Variants in INSL6 observed in about 807,000 individuals in gnomAD.
INSL6 encodes insulin like 6, also known as insulin-like peptide INSL6.
In INSL6, 16 loss-of-function variants were observed where a neutral mutation model predicts 9.4. The ratio of observed to expected loss-of-function variants is 1.70; its 90% CI spans 1.15 to 2.59. INSL6 has a LOEUF of 2.59. Among genes scored for constraint, INSL6 ranks in the 30% most tolerant of loss-of-function variants. The pLI is 0.00. For synonymous variants in INSL6, 154 were observed against 96.9 expected, an observed-to-expected ratio of 1.59 and a Z score of -3.46; for missense variants, 391 against 257.3, an observed-to-expected ratio of 1.52 and a Z score of -3.56.
chr9:5,122,233 A>G (rs936491375), downstream of INSL6, among the ~76,000 whole-genome samples: 2 of 152,094 alleles, frequency 1.3e-5, no homozygotes, highest in Non-Finnish European at 1.5e-5. Flanking sequence ...ATAAAGATAA[A>G]CTTAGCAATG....
chr9:5,128,843 A>C lies in INSL6; in HGVS notation c.*11-4332T>G, dbSNP rs1824169780. Among the ~76,000 whole-genome samples, 4 of 152,048 alleles carry C rather than the reference A, an allele frequency of 2.6e-5. No homozygotes were observed. The South Asian group carries it at 8.3e-4, about 31-fold the overall frequency. ...AGGTAAGTAATTATTGTACCAGTTA[A>C]TGCCAAAATATTTTTCACGTTAATA... On this transcript the variant is annotated intron_variant, in intron 3 of 3. Coordinates refer to the INSL6 transcript ENST00000649639.
chr9:5,169,931 C>T (rs574686983), intron 1 of INSL6, among the ~76,000 whole-genome samples: 20 of 152,306 alleles, frequency 1.3e-4, no homozygotes, highest in African/African-American at 4.1e-4. Context: ...GACTTTAACA[C>T]TCCACTGTCA....
chr9:5,041,014 C>G, the INSL6 span: 1 of 663,174 alleles, frequency 1.5e-6, no homozygotes, highest in Non-Finnish European at 2.8e-6. Context: ...GACCCCGCAG[C>G]TGCACCTGGG....
chr9:5,058,136 T>C, the INSL6 span, among the ~76,000 whole-genome samples: 12 of 152,344 alleles, frequency 7.9e-5, no homozygotes, highest in Non-Finnish European at 1.5e-4. Flanking sequence ...TTGTGAGTAA[T>C]GCTGCTGTGA....
rs79371649 is a variant in INSL6, at chr9:5,124,146, C to T, written c.*376G>A. On this transcript the variant is annotated 3_prime_UTR_variant, in exon 4 of 4. Coordinates refer to the INSL6 transcript ENST00000649639. Reference sequence around the variant, plus strand: ...ATACAAAGTTTGCAAATATTTTCTCCGATTATGCAGGTTTTCTGTTCATTC... The same window carrying T: ...ATACAAAGTTTGCAAATATTTTCTCTGATTATGCAGGTTTTCTGTTCATTC... Among the ~76,000 whole-genome samples the T allele has an allele frequency of 1.6e-4, 25 of 151,816 alleles. No individual in the cohort carries two copies. In the East Asian group the frequency reaches 4.8e-3, roughly 29 times the overall value.
chr9:5,167,589 G>C (rs924774588), intron 1 of INSL6, among the ~76,000 whole-genome samples: 2 of 152,194 alleles, frequency 1.3e-5, no homozygotes, highest in African/African-American at 4.8e-5. Context: ...ATCCCCAGTG[G>C]AGGGTTTATG....
chr9:5,144,866 A>G (rs1439826995), intron 2 of INSL6, among the ~76,000 whole-genome samples: 1 of 152,116 alleles, frequency 6.6e-6, no homozygotes, highest in Non-Finnish European at 1.5e-5. Flanking sequence ...GTGTCTTTGC[A>G]TGTGAGATGG....
At position 5,173,752 on chromosome 9, in the gene INSL6, T is replaced by C. The variant is rs931231845; in HGVS notation, c.290-9487A>G. On this transcript the variant is annotated intron_variant, in intron 1 of 1. Coordinates refer to ENST00000381641, the MANE Select transcript of INSL6 (RefSeq NM_007179.3). ...AATGAACTTGCACATCTCGCTCATGTACTGCTGAATTTAAAAATAAAATTA... is the reference window on the plus strand; with the variant it reads ...AATGAACTTGCACATCTCGCTCATGCACTGCTGAATTTAAAAATAAAATTA... 2.0e-5 allele frequency among the ~76,000 whole-genome samples: 3 copies of C among 151,204 alleles called. No homozygotes were observed. The Admixed American group carries it at 2.0e-4, about 10-fold the overall frequency.
At chr9:5,007,609 A>G in the INSL6 span, among the ~76,000 whole-genome samples, 1 of 146,352 alleles carries the variant, frequency 6.8e-6, no homozygotes, top group Non-Finnish European at 1.5e-5. Context: ...AACTTAATAT[A>G]CTTTTATTAG....
intron 1 of INSL6, among the ~76,000 whole-genome samples, chr9:5,181,747 C>T (rs1041590329): frequency 1.3e-5 from 2 of 152,106 alleles, no homozygotes; most frequent in African/African-American, 4.8e-5. Context: ...TATAAACCAA[C>T]TGGAAAATGA....
chr9:5,062,500 TAAAAAAAAAA>T, the INSL6 span, among the ~76,000 whole-genome samples: 5 of 58,248 alleles, frequency 8.6e-5, no homozygotes, highest in African/African-American at 2.1e-4. Context: ...CTTCCATTTG[TAAAAAAAAAA>T]AAAAAAAAAA....
intron 1 of INSL6, among the ~76,000 whole-genome samples, chr9:5,179,424 G>A (rs1353722523): frequency 6.6e-6 from 1 of 152,176 alleles, no homozygotes; most frequent in Non-Finnish European, 1.5e-5. Flanking sequence ...AACCATTGTG[G>A]AAGACAGTGT....
chr9:5,038,558 T>C, the INSL6 span, among the ~76,000 whole-genome samples: 10 of 151,360 alleles, frequency 6.6e-5, no homozygotes, highest in South Asian at 1.9e-3. Context: ...ATATGTCTTA[T>C]CTGAAATGCT....
the INSL6 span, among the ~76,000 whole-genome samples, chr9:5,059,401 C>G: frequency 1.3e-5 from 2 of 152,092 alleles, no homozygotes; most frequent in Non-Finnish European, 2.9e-5. Context: ...TCAGTTCATT[C>G]CTTTTTATTG....
At chr9:5,080,616 T>C in the INSL6 span, 1 of 1,608,822 alleles carries the variant, frequency 6.2e-7, no homozygotes, top group African/African-American at 1.3e-5. Flanking sequence ...ATTGTATGGA[T>C]TATGAACCAG....
chr9:5,033,699 T>C, the INSL6 span, among the ~76,000 whole-genome samples: 13 of 152,146 alleles, frequency 8.5e-5, no homozygotes, highest in South Asian at 2.1e-4. Context: ...CTGAGAGATT[T>C]TGTCACCACC....
the INSL6 span, among the ~76,000 whole-genome samples, chr9:5,086,717 C>T: frequency 6.6e-6 from 1 of 152,180 alleles, no homozygotes; most frequent in East Asian, 1.9e-4. Context: ...ATCTCCCTGT[C>T]TGACTATAAC....
At chr9:5,163,530 C>T (rs1824972467), downstream of INSL6, among the ~76,000 whole-genome samples, 1 of 152,178 alleles carries the variant, frequency 6.6e-6, no homozygotes, top group South Asian at 2.1e-4. Flanking sequence ...GATGGGTCGA[C>T]ATCTTGGAGT....
chr9:5,152,850 C>T (rs975243033), intron 2 of INSL6, among the ~76,000 whole-genome samples: 3 of 152,148 alleles, frequency 2.0e-5, no homozygotes, highest in Admixed American at 2.0e-4. Flanking sequence ...TAAGGTACCA[C>T]ATTCATCTCA....
Sources: allele counts gnomAD v4.1 joint callset (sites outside exome capture counted in the v4.1 genomes callset), GRCh38; gene constraint gnomAD v4.1.1; transcripts MANE v1.5; gene names NCBI Gene and HGNC (gene_info 2026-07-23, HGNC 2026-07-21).